Variants in IRAK2 observed in about 807,000 individuals in gnomAD.
The protein encoded by IRAK2 is interleukin 1 receptor associated kinase 2, also known as interleukin-1 receptor-associated kinase-like 2.
In IRAK2, 57 loss-of-function variants were observed where a neutral mutation model predicts 72.0. That is an observed-to-expected ratio of 0.79 (90% CI 0.64 to 0.99). The LOEUF is 0.99. Among genes scored for constraint, IRAK2 ranks in the 50% least tolerant of loss-of-function variants. The pLI, the probability that IRAK2 is intolerant of heterozygous loss-of-function variation, is 0.00. For synonymous variants in IRAK2, 293 were observed against 312.7 expected, an observed-to-expected ratio of 0.94 and a Z score of 0.67; for missense variants, 790 against 794.4, an observed-to-expected ratio of 0.99 and a Z score of 0.07.
intron 4 of IRAK2, 124 bp from the exon 5 acceptor site, chr3:10,213,083 T>C (rs1038970301): frequency 7.0e-5 from 57 of 818,814 alleles, no homozygotes; most frequent in Middle Eastern, 3.6e-4. Flanking sequence ...ATGTCCTTTT[T>C]ACAGTTTCCA....
intron 2 of IRAK2, among the ~76,000 whole-genome samples, chr3:10,191,077 A>G (rs1323071547): frequency 2.0e-5 from 3 of 152,014 alleles, no homozygotes; most frequent in Non-Finnish European, 2.9e-5. Flanking sequence ...GGCGGATCAC[A>G]AGGTCAGGAG....
At chr3:10,194,692 G>A (rs1697236922) in intron 2 of IRAK2, among the ~76,000 whole-genome samples, 1 of 152,130 alleles carries the variant, frequency 6.6e-6, no homozygotes, top group Non-Finnish European at 1.5e-5. Flanking sequence ...TTTGGACAGT[G>A]GGACAGGCAT....
chr3:10,191,217 C>T (rs1475532318), intron 2 of IRAK2, among the ~76,000 whole-genome samples: 1 of 151,994 alleles, frequency 6.6e-6, no homozygotes, highest in African/African-American at 2.4e-5. Context: ...ATTGCTTGAA[C>T]CCGGGAGGCG....
intron 1 of IRAK2, among the ~76,000 whole-genome samples, chr3:10,173,909 A>C (rs1696835320): frequency 6.6e-6 from 1 of 152,184 alleles, no homozygotes. Flanking sequence ...ATGGAACAAA[A>C]ATGTCTAAGC....
At position 10,198,327 on chromosome 3, in the gene IRAK2, G is replaced by A. The variant is rs149380876; in HGVS notation, c.278-2042G>A. Among the ~76,000 whole-genome samples the A allele has an allele frequency of 8.5e-5, 13 of 152,344 alleles. No individual in the cohort carries two copies. In the East Asian group the frequency reaches 1.4e-3, roughly 16 times the overall value. Reference sequence around the variant, plus strand: ...CTTGTTGTTATTTTTGTGCATTCCCGATGTCTCCCCAACTCCTCCCACCCT... The same window carrying A: ...CTTGTTGTTATTTTTGTGCATTCCCAATGTCTCCCCAACTCCTCCCACCCT... On this transcript the variant is annotated intron_variant, in intron 2 of 12. Coordinates refer to ENST00000256458, the MANE Select transcript of IRAK2 (RefSeq NM_001570.4).
At chr3:10,175,905 A>AG (rs1178870749) in intron 1 of IRAK2, among the ~76,000 whole-genome samples, 1 of 150,732 alleles carries the variant, frequency 6.6e-6, no homozygotes, top group Admixed American at 6.6e-5. Context: ...AAAAAAAAAA[A>AG]AAAAAAAAGA....
chr3:10,234,479 T>A lies in IRAK2; in HGVS notation c.1293T>A (p.Asp431Glu), dbSNP rs708035. 1,090,844 of 1,613,494 alleles carry A rather than the reference T, an allele frequency of 0.68. 375,194 individuals are homozygous for A. Among genetic ancestry groups the A allele is most frequent in the East Asian group, 0.99 (44,550 of 44,872 alleles). Residue 431 changes from aspartate (D) to glutamate (E), a missense_variant, in exon 11 of 13, where the codon GAT (aspartate) becomes GAA (glutamate). Physicochemically the swap from Asp to Glu is conservative, Grantham distance 45. Coordinates refer to ENST00000256458, the MANE Select transcript of IRAK2 (RefSeq NM_001570.4). Reference protein sequence around the residue: ...PVYLKDLLLSDIPSSTASLCS... With the variant: ...PVYLKDLLLSEIPSSTASLCS... ...CACAGAAGGACTTACTCCTCAGTGATATTCCAAGCAGCACCGCCTCGCTCT... is the reference window on the plus strand; with the variant it reads ...CACAGAAGGACTTACTCCTCAGTGAAATTCCAAGCAGCACCGCCTCGCTCT...
chr3:10,182,521 T>A (rs969731798), intron 2 of IRAK2, among the ~76,000 whole-genome samples: 3 of 151,704 alleles, frequency 2.0e-5, no homozygotes, highest in Non-Finnish European at 4.4e-5. Context: ...GACCACGTGA[T>A]CCGCCCGCCT....
chr3:10,224,114 A>G (rs1221976208), intron 9 of IRAK2, among the ~76,000 whole-genome samples: 2 of 152,148 alleles, frequency 1.3e-5, no homozygotes, highest in African/African-American at 2.4e-5. Flanking sequence ...ATGTGGGCAG[A>G]TCACCTGAGG....
In IRAK2 at chr3:10,177,286, T is replaced by G. The variant is rs568029613; in HGVS notation, c.95-552T>G. On this transcript the variant is annotated intron_variant, in intron 1 of 12. Transcript: ENST00000256458. ...AGGACTGGGACTTAGCTGAGAGGAATGAGATGCCCAGGGCAAAATGTAAGG... is the reference window on the plus strand; with the variant it reads ...AGGACTGGGACTTAGCTGAGAGGAAGGAGATGCCCAGGGCAAAATGTAAGG... Among the ~76,000 whole-genome samples the G allele has an allele frequency of 1.6e-4, 25 of 152,256 alleles. 1 individual carries two copies. The highest frequency in any genetic ancestry group is 1.3e-3 in the Admixed American group (20 of 15,282).
intron 11 of IRAK2, among the ~76,000 whole-genome samples, chr3:10,237,014 C>T (rs946717128): frequency 2.6e-5 from 4 of 152,216 alleles, no homozygotes; most frequent in Admixed American, 2.0e-4. Context: ...GGCCATCACA[C>T]CTGCAATCCA....
chr3:10,203,788 C>T (rs1244821864), intron 3 of IRAK2, among the ~76,000 whole-genome samples: 2 of 152,164 alleles, frequency 1.3e-5, no homozygotes, highest in Admixed American at 6.5e-5. Flanking sequence ...CGCGCCACCA[C>T]GCCCAGCTAA....
intron 8 of IRAK2, among the ~76,000 whole-genome samples, chr3:10,221,325 T>C (rs1575983184): frequency 6.8e-6 from 1 of 146,128 alleles, no homozygotes; most frequent in South Asian, 2.2e-4. Context: ...ACAATCTCTG[T>C]TCACTGCAAG....
At chr3:10,234,755 G>T (rs1301298851) in intron 11 of IRAK2, 96 bp downstream of exon 11, 3 of 1,095,280 alleles carry the variant, frequency 2.7e-6, no homozygotes, top group African/African-American at 3.1e-5. Context: ...CACAAACCAG[G>T]GTTGTGCTTG....
intron 12 of IRAK2, 87 bp downstream of exon 12, chr3:10,239,126 C>T: frequency 1.6e-6 from 2 of 1,223,644 alleles, no homozygotes; most frequent in Non-Finnish European, 1.1e-6. Context: ...TGCCTTCATT[C>T]ACTCCTTCAT....
rs1417398049 is a variant in IRAK2, at chr3:10,240,627, T to C, written c.1766-1489T>C. Among the ~76,000 whole-genome samples the C allele has an allele frequency of 1.2e-4, 16 of 137,640 alleles. No individual in the cohort carries two copies. The South Asian group carries it at 2.6e-3, about 22-fold the overall frequency. The allele number at this position is 137,640 out of a possible 152,430, so 90.3% of individuals were successfully genotyped here. A position where few individuals can be genotyped will look rare whatever the true frequency, so the allele number is the denominator to read the frequency against. Reference sequence around the variant, plus strand: ...CAGGCTGGAGTATAATGGTGTGATCTTGGCTTATGGCAGCCTCCGCCTCCC... The same window carrying C: ...CAGGCTGGAGTATAATGGTGTGATCCTGGCTTATGGCAGCCTCCGCCTCCC... On this transcript the variant is annotated intron_variant, in intron 12 of 12. Transcript: ENST00000256458.
At chr3:10,204,425 G>A (rs1209765810) in intron 3 of IRAK2, among the ~76,000 whole-genome samples, 3 of 152,162 alleles carry the variant, frequency 2.0e-5, no homozygotes, top group African/African-American at 7.2e-5. Context: ...TCTTGTACCT[G>A]CAATGACACA....
intron 10 of IRAK2, among the ~76,000 whole-genome samples, chr3:10,228,873 TG>T (rs1697818505): frequency 6.6e-6 from 1 of 152,190 alleles, no homozygotes; most frequent in Admixed American, 6.5e-5. Context: ...CAGTTCCATT[TG>T]TGCCTAGAGA....
chr3:10,232,603 G>A (rs1189656697), intron 10 of IRAK2, among the ~76,000 whole-genome samples: 1 of 152,240 alleles, frequency 6.6e-6, no homozygotes, highest in Admixed American at 6.5e-5. Context: ...GGTGTCTTCT[G>A]TAGTTTTTTT....
Sources: allele counts gnomAD v4.1 joint callset (sites outside exome capture counted in the v4.1 genomes callset), GRCh38; gene constraint gnomAD v4.1.1; transcripts MANE v1.5; gene names NCBI Gene and HGNC (gene_info 2026-07-23, HGNC 2026-07-21).